Variants in UGT1A10 observed in about 807,000 individuals in gnomAD.
UGT1A10 encodes the protein UDP-glucuronosyltransferase 1A10.
A neutral mutation model predicts 45.8 loss-of-function variants in UGT1A10; 49 were observed. That is an observed-to-expected ratio of 1.07 (90% CI 0.85 to 1.36). UGT1A10 has a LOEUF of 1.36. UGT1A10 is among the 40% of genes most tolerant of loss of function. The pLI, the probability that UGT1A10 is intolerant of heterozygous loss-of-function variation, is 0.00. For synonymous variants in UGT1A10, 284 were observed against 249.7 expected (o/e 1.14, Z -1.29); for missense variants, 745 against 668.6 (o/e 1.11, Z -1.26).
intron 4 of UGT1A10, chr2:233,770,766 A>G (rs1416026522): frequency 6.6e-6 from 1 of 152,230 alleles, no homozygotes; most frequent in Non-Finnish European, 1.5e-5. Context: ...TTACATTATA[A>G]TAATGTTTCC....
Position 233,671,106 on chromosome 2 carries a change from G to A in UGT1A10, c.855+33729G>A, listed in dbSNP as rs1235781597. ...AGTTGACATCACCTCTGACCTCAAG[G>A]AGTGCTCAGCAGACTGAGAGAGACA... On this transcript the variant is annotated intron_variant, in intron 1 of 4. Coordinates refer to ENST00000344644, the MANE Select transcript of UGT1A10 (RefSeq NM_019075.4). Among the ~76,000 whole-genome samples the A allele has an allele frequency of 3.3e-5, 5 of 152,186 alleles. No homozygotes were observed. In the East Asian group the frequency reaches 9.6e-4, roughly 29 times the overall value.
In UGT1A10 at chr2:233,717,706, G is replaced by C. The variant is rs578061394; in HGVS notation, c.856-49328G>C. On this transcript the variant is annotated intron_variant, in intron 1 of 4. Transcript: ENST00000344644. The stretch of plus-strand genomic sequence containing the variant: ...TAGGAGTGACTTTCTGGAGCAGGAC[G>C]AGCCTCATGGGCATGAGACCATTGT... The C allele has an allele frequency of 8.4e-4, 379 of 451,272 alleles. 6 individuals carry two copies. The highest frequency in any genetic ancestry group is 5.8e-3 in the South Asian group (371 of 64,162). 28.0% of individuals were successfully genotyped at this position (451,272 alleles called of 1,614,324 possible). A position where few individuals can be genotyped will look rare whatever the true frequency, so the allele number is the denominator to read the frequency against.
intron 1 of UGT1A10, among the ~76,000 whole-genome samples, chr2:233,739,630 G>A (rs535320958): frequency 6.6e-6 from 1 of 152,302 alleles, no homozygotes; most frequent in African/African-American, 2.4e-5. Context: ...CATTTGAAAT[G>A]GGAACATTTA....
chr2:233,747,271 C>T (rs1693606157), intron 1 of UGT1A10: 4 of 1,598,912 alleles, frequency 2.5e-6, no homozygotes, highest in Non-Finnish European at 8.5e-7. Flanking sequence ...GCTACTCCTT[C>T]TCAGTGCCCA....
At position 233,705,257 on chromosome 2, in the gene UGT1A10, T is replaced by TG. The variant is rs748102804; in HGVS notation, c.856-61773dup. Among the ~76,000 whole-genome samples the TG allele has an allele frequency of 1.7e-4, 26 of 152,354 alleles. No homozygotes were observed. The South Asian group carries it at 5.0e-3, about 29-fold the overall frequency. ...TTCTGTATGAATTCAGATTATTCTA[T>TG]GGGGTCACTTGCTTTCAACCTGAAG... On this transcript the variant is annotated intron_variant, in intron 1 of 4. Coordinates refer to ENST00000344644, the MANE Select transcript of UGT1A10 (RefSeq NM_019075.4).
chr2:233,670,990 G>C (rs2074173781), intron 1 of UGT1A10, among the ~76,000 whole-genome samples: 1 of 152,140 alleles, frequency 6.6e-6, no homozygotes, highest in South Asian at 2.1e-4. Flanking sequence ...TTATGGATGG[G>C]GGCAGTCCTA....
chr2:233,700,326 C>T (rs1196966408), intron 1 of UGT1A10, among the ~76,000 whole-genome samples: 1 of 152,172 alleles, frequency 6.6e-6, no homozygotes, highest in Non-Finnish European at 1.5e-5. Flanking sequence ...AAAATTCTGC[C>T]TCTCTTTCAA....
At chr2:233,679,769 A>C (rs2074462034) in intron 1 of UGT1A10, among the ~76,000 whole-genome samples, 1 of 152,022 alleles carries the variant, frequency 6.6e-6, no homozygotes, top group Non-Finnish European at 1.5e-5. Context: ...GTTGCCATTA[A>C]ATTCTCCAGT....
At chr2:233,675,339 G>A (rs1367325493) in intron 1 of UGT1A10, among the ~76,000 whole-genome samples, 2 of 152,134 alleles carry the variant, frequency 1.3e-5, no homozygotes, top group East Asian at 3.9e-4. Flanking sequence ...AAATAATTCA[G>A]CAGAACATTG....
chr2:233,646,017 A>G (rs1329878284), intron 1 of UGT1A10, among the ~76,000 whole-genome samples: 1 of 152,216 alleles, frequency 6.6e-6, no homozygotes. Flanking sequence ...GCATATCCAT[A>G]CAGCCTCTGA....
At chr2:233,671,278 G>T (rs905052772) in intron 1 of UGT1A10, among the ~76,000 whole-genome samples, 25 of 152,212 alleles carry the variant, frequency 1.6e-4, no homozygotes, top group Admixed American at 1.3e-4. Context: ...TCTTAGGAAA[G>T]CCATTTAAAA....
rs1700557066 is a variant in UGT1A10 at position 233,772,919 on chromosome 2, C to A, written c.*360C>A. On this transcript the variant is annotated 3_prime_UTR_variant, in exon 5 of 5. Coordinates refer to ENST00000344644, the MANE Select transcript of UGT1A10 (RefSeq NM_019075.4). Reference sequence around the variant, plus strand: ...CCACGGCTGCCCCTACTGCAAATGGCAGTTTTAATCTTATCTTTTGGCTTC... The same window carrying A: ...CCACGGCTGCCCCTACTGCAAATGGAAGTTTTAATCTTATCTTTTGGCTTC... 1 of 369,168 alleles carries A rather than the reference C, an allele frequency of 2.7e-6. No homozygotes were observed. Among genetic ancestry groups the A allele is most frequent in the Non-Finnish European group, 4.8e-6 (1 of 207,048 alleles). 22.9% of individuals were successfully genotyped at this position (369,168 alleles called of 1,614,324 possible).
At chr2:233,760,942 C>G (rs1253140529) in intron 1 of UGT1A10, 13 of 1,614,092 alleles carry the variant, frequency 8.1e-6, no homozygotes, top group Non-Finnish European at 1.1e-5. Flanking sequence ...TGCCTTTTCA[C>G]AGAACTTTCT....
chr2:233,753,302 G>A (rs17862878), intron 1 of UGT1A10: 18,739 of 152,254 alleles, frequency 0.12, 1,732 homozygotes, highest in African/African-American at 0.24. Flanking sequence ...GTGAGACCCC[G>A]TGTGCCCCTG....
rs191743341 is a variant in UGT1A10, at chr2:233,705,148, A to G, written c.856-61886A>G. 9.8e-3 allele frequency among the ~76,000 whole-genome samples: 1,473 copies of G among 150,974 alleles called. 22 individuals are homozygous for G. The highest frequency in any genetic ancestry group is 0.033 in the African/African-American group (1,371 of 40,938). On this transcript the variant is annotated intron_variant, in intron 1 of 4. Transcript: ENST00000344644. ...CGAGACTTCGTCTGAAAAAAAAAAA[A>G]AGAGAGAGAGAGAGAGAATAAAGGG...
chr2:233,762,689 A>G (rs1362623162), intron 1 of UGT1A10, among the ~76,000 whole-genome samples: 1 of 148,448 alleles, frequency 6.7e-6, no homozygotes, highest in Non-Finnish European at 1.5e-5. Context: ...TTTCTTTCTC[A>G]TTCATCTTTT....
chr2:233,672,680 C>A, intron 1 of UGT1A10: 2 of 1,613,932 alleles, frequency 1.2e-6, no homozygotes, highest in Non-Finnish European at 1.7e-6. Flanking sequence ...AGCCACACAT[C>A]AATTTGGTTG....
rs778960462 is a variant in UGT1A10 at position 233,636,906 on chromosome 2, T to C, written c.384T>C (p.Phe128=). 1 of 1,614,166 alleles carries C rather than the reference T, an allele frequency of 6.2e-7. No homozygotes were observed. The highest frequency in any genetic ancestry group is 8.5e-7 in the Non-Finnish European group (1 of 1,180,022). ...TTTTTTCGCATTGCAGGAGTTTGTT[T>C]AATGACCGAAAATTAGTAGAATACT... ...DLFFSHCRSL[F]NDRKLVEYLK... Residue 128 remains phenylalanine (F), a synonymous_variant, in exon 1 of 5, where the codon TTT becomes TTC. Transcript: ENST00000344644.
intron 1 of UGT1A10, among the ~76,000 whole-genome samples, chr2:233,725,098 A>G (rs1201053871): frequency 1.4e-5 from 2 of 143,348 alleles, no homozygotes; most frequent in Non-Finnish European, 3.0e-5. Context: ...GAGGCAGGAG[A>G]ATCAGGCAGG....
Sources: allele counts gnomAD v4.1 joint callset (sites outside exome capture counted in the v4.1 genomes callset), GRCh38; gene constraint gnomAD v4.1.1; transcripts MANE v1.5; gene names NCBI Gene and HGNC (gene_info 2026-07-23, HGNC 2026-07-21).